KANSL1L: variants seen among roughly 807,000 people sequenced by gnomAD.
KANSL1L encodes the protein KAT8 regulatory NSL complex subunit 1 like, also known as KAT8 regulatory NSL complex subunit 1-like protein.
KANSL1L carries 25 observed loss-of-function variants against 108.6 expected under a neutral mutation model. The ratio of observed to expected loss-of-function variants is 0.23; its 90% CI spans 0.17 to 0.32. KANSL1L has a LOEUF of 0.32. KANSL1L is among the 10% of genes least tolerant of loss of function. The pLI, the probability that KANSL1L is intolerant of heterozygous loss-of-function variation, is 1.00. For synonymous variants in KANSL1L, 405 were observed against 395.1 expected, an observed-to-expected ratio of 1.03 and a Z score of -0.30; for missense variants, 1,137 against 1,125.7, an observed-to-expected ratio of 1.01 and a Z score of -0.14.
intron 5 of KANSL1L, among the ~76,000 whole-genome samples, chr2:210,090,138 A>G (rs2094680263): frequency 6.6e-6 from 1 of 152,236 alleles, no homozygotes; most frequent in African/African-American, 2.4e-5. Context: ...TCACATTACA[A>G]TATCAATGGC....
intron 5 of KANSL1L, among the ~76,000 whole-genome samples, chr2:210,093,208 C>T (rs866416311): frequency 5.9e-5 from 9 of 152,150 alleles, no homozygotes; most frequent in East Asian, 1.9e-4. Flanking sequence ...GGCAGTGGCA[C>T]GATCTTGGCT....
intron 3 of KANSL1L, among the ~76,000 whole-genome samples, chr2:210,126,884 A>C (rs1471696288): frequency 1.3e-5 from 2 of 152,134 alleles, no homozygotes; most frequent in Non-Finnish European, 2.9e-5. Context: ...TTATTACAAA[A>C]CTACAGAAAT....
In KANSL1L at chr2:210,154,219, T is replaced by C. The variant is rs2095320893; in HGVS notation, c.364A>G (p.Ser122Gly). The change falls in exon 2 of 15, where the codon AGT becomes GGT. Residue 122 changes from serine to glycine, a missense_variant. Ser to Gly is a moderately conservative substitution (Grantham distance 56, BLOSUM62 0). Around this residue, in one of 3 missense-constraint regions of KANSL1L, gnomAD observed 556 missense variants for 537.7 expected, o/e 1.03. Coordinates refer to ENST00000281772, the MANE Select transcript of KANSL1L (RefSeq NM_152519.4). ...ILYNGSNIQL[S>G]KICLSHSEEF... The stretch of plus-strand genomic sequence containing the variant: ...TCAGAATGAGAAAGACAGATTTTAC[T>C]GAGCTGAATGTTGCTGCCATTATAC... 1 of 1,614,134 alleles carries C rather than the reference T, an allele frequency of 6.2e-7. No homozygotes were observed. The highest frequency in any genetic ancestry group is 8.5e-7 in the Non-Finnish European group (1 of 1,179,998).
At position 210,044,069 on chromosome 2, in the gene KANSL1L, A is replaced by G. The variant is rs1171510031; in HGVS notation, c.1791T>C (p.Thr597=). The G allele has an allele frequency of 6.2e-7, 1 of 1,601,344 alleles. No homozygotes were observed. Among genetic ancestry groups the G allele is most frequent in the East Asian group, 2.3e-5 (1 of 44,014 alleles). The part of the protein sequence containing the change: ...LPSKETAFLN[T]TQMPCLQSAS... ...CTGATTGCAGGCAAGGCATTTGTGT[A>G]GTGTTTAAAAATGCTGTTTCTTTTG... Residue 597 remains threonine (T), a synonymous_variant, in exon 7 of 15, where the codon ACT becomes ACC. Transcript: ENST00000281772. The surrounding 1 kb of genome is among the most constrained non-coding windows in gnomAD (Gnocchi z 4.2).
chr2:210,025,124 C>T lies in KANSL1L; in HGVS notation c.2544G>A (p.Lys848=). The T allele has an allele frequency of 6.2e-7, 1 of 1,611,528 alleles. No homozygotes were observed. The highest frequency in any genetic ancestry group is 8.5e-7 in the Non-Finnish European group (1 of 1,177,648). The change falls in exon 13 of 15, where the codon AAG becomes AAA. Residue 848 remains lysine (K), a synonymous_variant. Transcript: ENST00000281772. ...QARWSLWEQS[K]WHRRNSRAYS... is the part of the protein sequence containing the mutation. The stretch of plus-strand genomic sequence containing the variant: ...CCTGCCTGCTGTTTCTTCTGTGCCA[C>T]TTGCTTTGCTCCCATAGTGACCACC...
chr2:210,132,803 T>A (rs2095134043), intron 2 of KANSL1L, among the ~76,000 whole-genome samples: 1 of 152,190 alleles, frequency 6.6e-6, no homozygotes, highest in Non-Finnish European at 1.5e-5. Context: ...GGTTTTGGAA[T>A]CAAGCTAATG....
intron 3 of KANSL1L, among the ~76,000 whole-genome samples, chr2:210,127,922 C>A (rs537782961): frequency 2.5e-4 from 37 of 147,808 alleles, no homozygotes; most frequent in African/African-American, 9.2e-4. Flanking sequence ...AAAAAACAAG[C>A]AAGCAACCCA....
intron 5 of KANSL1L, among the ~76,000 whole-genome samples, chr2:210,083,685 C>T (rs538504555): frequency 1.9e-4 from 29 of 151,404 alleles, no homozygotes; most frequent in South Asian, 6.3e-4. Flanking sequence ...AAAAATTAGC[C>T]GGGCGAGGTG....
At chr2:210,147,061 A>G (rs950636399) in intron 2 of KANSL1L, among the ~76,000 whole-genome samples, 1 of 152,204 alleles carries the variant, frequency 6.6e-6, no homozygotes, top group East Asian at 1.9e-4. Flanking sequence ...GTAAACACAT[A>G]GTCTTTTAAA....
intron 6 of KANSL1L, among the ~76,000 whole-genome samples, chr2:210,068,025 C>T (rs1183497345): frequency 1.3e-5 from 2 of 151,856 alleles, no homozygotes; most frequent in Non-Finnish European, 2.9e-5. Flanking sequence ...TTACAGGCGC[C>T]TGCCACCACA....
chr2:210,164,782 A>C (rs2095378059), intron 1 of KANSL1L, among the ~76,000 whole-genome samples: 1 of 151,918 alleles, frequency 6.6e-6, no homozygotes, highest in Non-Finnish European at 1.5e-5. Flanking sequence ...TGATTCTGTC[A>C]ATAGGTAACA....
intron 1 of KANSL1L, among the ~76,000 whole-genome samples, chr2:210,162,072 A>T (rs35034344): frequency 0.28 from 41,197 of 144,604 alleles, 6,164 homozygotes; most frequent in Middle Eastern, 0.42. Context: ...TTAAAAAAAA[A>T]AAAAATATAT....
At chr2:210,092,229 C>T (rs952169738) in intron 5 of KANSL1L, among the ~76,000 whole-genome samples, 1 of 152,092 alleles carries the variant, frequency 6.6e-6, no homozygotes, top group Non-Finnish European at 1.5e-5. Flanking sequence ...TTCAGTCACT[C>T]TCTCTTCAAA....
chr2:210,172,204 A>G (rs1376274137), upstream of KANSL1L, among the ~76,000 whole-genome samples: 1 of 152,174 alleles, frequency 6.6e-6, no homozygotes, highest in East Asian at 1.9e-4. Flanking sequence ...GCACCTGGGC[A>G]CTTCCCCAGC....
chr2:210,157,415 C>G (rs113282525), intron 1 of KANSL1L, among the ~76,000 whole-genome samples: 1 of 151,956 alleles, frequency 6.6e-6, no homozygotes, highest in South Asian at 2.1e-4. Context: ...AGAGAAAAGA[C>G]GTGGGTGCAG....
intron 3 of KANSL1L, among the ~76,000 whole-genome samples, chr2:210,112,000 T>C (rs1410900485): frequency 6.6e-6 from 1 of 151,884 alleles, no homozygotes; most frequent in Non-Finnish European, 1.5e-5. Flanking sequence ...TTTTTGTCCT[T>C]GTGATAGTTT....
At position 210,163,630 on chromosome 2, in the gene KANSL1L, T is replaced by C. The variant is rs1354427459; in HGVS notation, c.-30+7519A>G. On this transcript the variant is annotated intron_variant, in intron 1 of 14. Coordinates refer to ENST00000281772, the MANE Select transcript of KANSL1L (RefSeq NM_152519.4). ...ATGACTAAGAATTTCTCCAAATTAATGTCAGACACCAAACCACATATCCAG... is the reference window on the plus strand; with the variant it reads ...ATGACTAAGAATTTCTCCAAATTAACGTCAGACACCAAACCACATATCCAG... 3.3e-4 allele frequency among the ~76,000 whole-genome samples: 50 copies of C among 152,096 alleles called. 1 individual carries two copies. The highest frequency in any genetic ancestry group is 3.3e-3 in the Admixed American group (50 of 15,278).
At chr2:210,096,771 G>T in intron 5 of KANSL1L, 1 of 953,014 alleles carries the variant, frequency 1.0e-6, no homozygotes, top group Non-Finnish European at 1.2e-6. Context: ...CTGATATGAG[G>T]AATGAATATA....
intron 3 of KANSL1L, among the ~76,000 whole-genome samples, chr2:210,114,640 T>C (rs905916000): frequency 6.6e-6 from 1 of 152,144 alleles, no homozygotes; most frequent in Non-Finnish European, 1.5e-5. Flanking sequence ...TAAAAAAATA[T>C]AATAGATCCA....
Sources: gnomAD v4.1 joint callset for allele counts (sites outside exome capture counted in the v4.1 genomes callset) on GRCh38, gnomAD v4.1.1 for gene constraint, gnomAD v4.1.1 regional missense constraint, Gnocchi (gnomAD v3.1) non-coding constraint, MANE v1.5 for transcripts, NCBI Gene and HGNC (gene_info 2026-07-23, HGNC 2026-07-21) for gene names.